ANKS1B: variants seen among roughly 807,000 people sequenced by gnomAD.
ANKS1B encodes ankyrin repeat and sterile alpha motif domain-containing protein 1B.
ANKS1B carries 36 observed loss-of-function variants against 148.3 expected under a neutral mutation model. That is an observed-to-expected ratio of 0.24 (90% CI 0.19 to 0.32). The LOEUF (loss-of-function observed/expected upper bound fraction) is 0.32. Among genes scored for constraint, ANKS1B ranks in the 10% least tolerant of loss-of-function variants. ANKS1B has a pLI of 1.00. For missense variants in ANKS1B, 1,157 were observed against 1,542.6 expected (o/e 0.75, Z 4.19); for synonymous variants, 542 against 560.8 (o/e 0.97, Z 0.47).
intron 14 of ANKS1B, among the ~76,000 whole-genome samples, chr12:99,231,100 T>C (rs2086770464): frequency 6.6e-6 from 1 of 152,186 alleles, no homozygotes; most frequent in African/African-American, 2.4e-5. Flanking sequence ...ATTTCTCCTC[T>C]GAAAATAAGT....
intron 9 of ANKS1B, among the ~76,000 whole-genome samples, chr12:99,603,033 A>C (rs2097818409): frequency 6.6e-6 from 1 of 152,046 alleles, no homozygotes; most frequent in African/African-American, 2.4e-5. Context: ...ACATAAATCC[A>C]GCAAAAATAT....
intron 1 of ANKS1B, among the ~76,000 whole-genome samples, chr12:99,900,057 C>T (rs1421192264): frequency 6.6e-6 from 1 of 151,916 alleles, no homozygotes; most frequent in Non-Finnish European, 1.5e-5. Flanking sequence ...TGCCATCATG[C>T]CCGGCTAATT....
intron 1 of ANKS1B, among the ~76,000 whole-genome samples, chr12:99,925,742 T>G (rs2094464364): frequency 6.6e-6 from 1 of 152,236 alleles, no homozygotes; most frequent in African/African-American, 2.4e-5. Flanking sequence ...TTTTACTTAT[T>G]AAATATAATA....
chr12:99,121,850 T>C (rs1426135582), intron 15 of ANKS1B, among the ~76,000 whole-genome samples: 1 of 152,172 alleles, frequency 6.6e-6, no homozygotes, highest in African/African-American at 2.4e-5. Flanking sequence ...GGTTTGCTTA[T>C]TGAAAGTCAC....
At chr12:99,163,197 C>T (rs966371267) in intron 14 of ANKS1B, among the ~76,000 whole-genome samples, 11 of 152,078 alleles carry the variant, frequency 7.2e-5, no homozygotes, top group African/African-American at 2.2e-4. Flanking sequence ...GGATAAACCA[C>T]AGTTTATTCA....
At chr12:99,247,012 C>A in intron 12 of ANKS1B, 148 bp from the exon 13 acceptor site, 1 of 654,768 alleles carries the variant, frequency 1.5e-6, no homozygotes, top group East Asian at 2.6e-5. Flanking sequence ...ACCCCTGACC[C>A]CACAGTGCCA....
Position 99,840,570 on chromosome 12 carries a change from A to G in ANKS1B, c.135-15181T>C, listed in dbSNP as rs77312648. On this transcript the variant is annotated intron_variant, in intron 1 of 26. Coordinates refer to ENST00000683438, the MANE Select transcript of ANKS1B (RefSeq NM_001352186.2). Reference sequence around the variant, plus strand: ...AGAGCAAAGGGGTAGCATCATGTAGAGGGAAAAAATGCTTGGATTATGCAT... The same window carrying G: ...AGAGCAAAGGGGTAGCATCATGTAGGGGGAAAAAATGCTTGGATTATGCAT... Among the ~76,000 whole-genome samples, 1,226 of 152,254 alleles carry G rather than the reference A, an allele frequency of 8.1e-3. 16 individuals are homozygous for G. Among genetic ancestry groups the G allele is most frequent in the African/African-American group, 0.028 (1,160 of 41,556 alleles).
chr12:99,285,891 A>G (rs914503669), intron 12 of ANKS1B, among the ~76,000 whole-genome samples: 1 of 152,126 alleles, frequency 6.6e-6, no homozygotes, highest in Admixed American at 6.6e-5. Flanking sequence ...GAGGGGAATC[A>G]CCTAGCAGTA....
At chr12:99,322,869 A>G (rs907165571) in intron 12 of ANKS1B, among the ~76,000 whole-genome samples, 2 of 152,224 alleles carry the variant, frequency 1.3e-5, no homozygotes, top group Admixed American at 6.5e-5. Context: ...AAGTCTCACA[A>G]GATATGATGG....
chr12:99,262,460 A>C (rs2076019692), intron 12 of ANKS1B, among the ~76,000 whole-genome samples: 1 of 152,232 alleles, frequency 6.6e-6, no homozygotes, highest in East Asian at 1.9e-4. Context: ...ACAGTGATTA[A>C]CAATAAGTGA....
At chr12:98,864,519 T>C (rs947159231) in intron 17 of ANKS1B, among the ~76,000 whole-genome samples, 2 of 152,144 alleles carry the variant, frequency 1.3e-5, no homozygotes, top group Non-Finnish European at 2.9e-5. Flanking sequence ...CTCTTCCTAA[T>C]GTGGGTGGGC....
chr12:99,015,491 G>A (rs750346837), intron 17 of ANKS1B, among the ~76,000 whole-genome samples: 8 of 152,046 alleles, frequency 5.3e-5, no homozygotes, highest in East Asian at 1.9e-4. Context: ...TAACAAACTC[G>A]CACTTGTACC....
chr12:98,807,867 A>G lies in ANKS1B; in HGVS notation c.3118T>C (p.Ser1040Pro). 1 of 1,613,520 alleles carries G rather than the reference A, an allele frequency of 6.2e-7. No individual in the cohort carries two copies. Among genetic ancestry groups the G allele is most frequent in the Non-Finnish European group, 8.5e-7 (1 of 1,179,660 alleles). The change falls in exon 20 of 27, where the codon TCA becomes CCA. Residue 1040 changes from serine to proline, a missense_variant. This residue lies in a region of ANKS1B where 258 missense variants were observed against 497.0 expected (regional missense o/e 0.52). Transcript: ENST00000683438. ...WTNQNAGFPF[S>P]AIHQVHNTGD... ...ACATTATGAACCTGATGGATCGCTG[A>G]GAAAGGAAATCCTGCGTTCTGATTC... is the stretch of plus-strand genomic sequence containing the variant.
chr12:98,816,165 C>T (rs1345743417), intron 19 of ANKS1B, among the ~76,000 whole-genome samples: 1 of 152,116 alleles, frequency 6.6e-6, no homozygotes, highest in African/African-American at 2.4e-5. Flanking sequence ...CTAGCTAGCT[C>T]CCTCACTTCC....
chr12:99,189,529 T>C (rs1601539704), intron 14 of ANKS1B, among the ~76,000 whole-genome samples: 4 of 152,026 alleles, frequency 2.6e-5, no homozygotes, highest in Non-Finnish European at 4.4e-5. Flanking sequence ...GGATGCAAGG[T>C]TGGTTCAATA....
In ANKS1B at chr12:98,801,051, G is replaced by A; in HGVS notation, c.3216C>T (p.Tyr1072=). The A allele has an allele frequency of 4.3e-6, 7 of 1,612,888 alleles. No homozygotes were observed. Among genetic ancestry groups the A allele is most frequent in the Non-Finnish European group, 5.9e-6 (7 of 1,179,466 alleles). Residue 1072 remains tyrosine, a synonymous_variant, in exon 21 of 27, where the codon TAC becomes TAT. Coordinates refer to ENST00000683438, the MANE Select transcript of ANKS1B (RefSeq NM_001352186.2). This position sits in a 1 kb window ranked among gnomAD's most constrained non-coding sequence, Gnocchi z 5.2. Reference sequence around the variant, plus strand: ...TAAGCTTTTCTGGGTGATGCTGCCAGTACTGTACCGGGGTAGAGGCTGTGG... The same window carrying A: ...TAAGCTTTTCTGGGTGATGCTGCCAATACTGTACCGGGGTAGAGGCTGTGG... The part of the protein sequence containing the change: ...NEATASTPVQ[Y]WQHHPEKLIF...
chr12:99,666,868 G>A (rs1599210467), intron 8 of ANKS1B, among the ~76,000 whole-genome samples: 1 of 139,484 alleles, frequency 7.2e-6, no homozygotes, highest in Non-Finnish European at 1.6e-5. Flanking sequence ...GTGTGTGTGT[G>A]TGTGTGTGTG....
chr12:99,311,327 T>G (rs2083138376), intron 12 of ANKS1B, among the ~76,000 whole-genome samples: 1 of 152,044 alleles, frequency 6.6e-6, no homozygotes, highest in Non-Finnish European at 1.5e-5. Flanking sequence ...ATGTAGACTC[T>G]GTGGGTGAGT....
rs114419858 is a variant in ANKS1B, at chr12:99,943,624, C to T, written c.134+40480G>A. The stretch of plus-strand genomic sequence containing the variant: ...AACTCCCCTTTATAAAACCAGATCT[C>T]GTGAGACTTACTCACTATCATGAGA... On this transcript the variant is annotated intron_variant, in intron 1 of 26. Coordinates refer to ENST00000683438, the MANE Select transcript of ANKS1B (RefSeq NM_001352186.2). Among the ~76,000 whole-genome samples, 609 of 152,136 alleles carry T rather than the reference C, an allele frequency of 4.0e-3. 4 individuals are homozygous for T. The highest frequency in any genetic ancestry group is 0.014 in the African/African-American group (578 of 41,508).
Sources: allele counts gnomAD v4.1 joint callset (sites outside exome capture counted in the v4.1 genomes callset), GRCh38; gene constraint gnomAD v4.1.1; regional missense constraint gnomAD v4.1.1; non-coding constraint Gnocchi (gnomAD v3.1); transcripts MANE v1.5; gene names NCBI Gene and HGNC (gene_info 2026-07-23, HGNC 2026-07-21).